The following CNNM2 variants were observed in gnomAD, a reference collection of about 807,000 sequenced individuals.
The protein encoded by CNNM2 is metal transporter CNNM2.
In CNNM2, 12 loss-of-function variants were observed where a neutral mutation model predicts 66.9. The ratio of observed to expected loss-of-function variants is 0.18; its 90% CI spans 0.11 to 0.29. The LOEUF is 0.29. CNNM2 is among the 10% of genes least tolerant of loss of function. The pLI, the probability that CNNM2 is intolerant of heterozygous loss-of-function variation, is 1.00. For synonymous variants in CNNM2, 557 were observed against 501.8 expected (o/e 1.11, Z -1.47); for missense variants, 705 against 1,167.7 (o/e 0.60, Z 5.77).
intron 1 of CNNM2, among the ~76,000 whole-genome samples, chr10:102,955,141 C>A (rs1846987211): frequency 6.6e-6 from 1 of 152,152 alleles, no homozygotes. Context: ...TACAAGGCTA[C>A]AGTAACCAAA....
intron 5 of CNNM2, among the ~76,000 whole-genome samples, chr10:103,069,271 C>T (rs745435301): frequency 6.6e-6 from 1 of 152,098 alleles, no homozygotes; most frequent in Non-Finnish European, 1.5e-5. Flanking sequence ...CAATATGTGG[C>T]TTTGAACATT....
intron 2 of CNNM2, among the ~76,000 whole-genome samples, chr10:103,051,611 G>C (rs994851336): frequency 1.3e-5 from 2 of 151,284 alleles, no homozygotes; most frequent in Admixed American, 6.6e-5. Flanking sequence ...ATGGTGGCAC[G>C]CACCTGTGAT....
Position 103,013,607 on chromosome 10 carries a change from C to T in CNNM2, c.1622-36100C>T, listed in dbSNP as rs11191514. 0.095 allele frequency among the ~76,000 whole-genome samples: 14,448 copies of T among 152,002 alleles called. 884 individuals are homozygous for T. The highest frequency in any genetic ancestry group is 0.28 in the East Asian group (1,430 of 5,168). On this transcript the variant is annotated intron_variant, in intron 1 of 7. Transcript: ENST00000369878. ...AAGTAACAGCTCCCTTTATCCAAGC[C>T]GAAAACTGTGACGCAAACAGTGCTT...
chr10:103,004,684 C>T (rs1428876655), intron 1 of CNNM2, among the ~76,000 whole-genome samples: 1 of 152,230 alleles, frequency 6.6e-6, no homozygotes, highest in Admixed American at 6.5e-5. Context: ...AAATGGTTTT[C>T]CAAAGTTACT....
chr10:102,956,793 G>A (rs1847056824), intron 1 of CNNM2, among the ~76,000 whole-genome samples: 1 of 152,058 alleles, frequency 6.6e-6, no homozygotes, highest in Non-Finnish European at 1.5e-5. Flanking sequence ...ACACAGGGCG[G>A]GGAACAACAC....
In CNNM2 at chr10:102,967,032, G is replaced by A. The variant is rs77778347; in HGVS notation, c.1621+46931G>A. On this transcript the variant is annotated intron_variant, in intron 1 of 7. Transcript: ENST00000369878. ...GTGTGATCCAGCTCACTTTAGCCTC[G>A]AATTTCTGGGCTCAGAGGATCCTCC... Among the ~76,000 whole-genome samples, 94 of 152,274 alleles carry A rather than the reference G, an allele frequency of 6.2e-4. 2 individuals are homozygous for A. The East Asian group carries it at 0.014, about 23-fold the overall frequency.
chr10:102,926,907 C>T (rs112633979), intron 1 of CNNM2, among the ~76,000 whole-genome samples: 107 of 151,906 alleles, frequency 7.0e-4, no homozygotes, highest in African/African-American at 2.5e-3. Context: ...TTAGTAGAAA[C>T]GAGGTCATGC....
intron 1 of CNNM2, among the ~76,000 whole-genome samples, chr10:103,000,156 A>C (rs1177815358): frequency 1.3e-5 from 2 of 151,992 alleles, no homozygotes; most frequent in Non-Finnish European, 2.9e-5. Flanking sequence ...GACTCGCTTG[A>C]ACCTGGGGAG....
intron 1 of CNNM2, among the ~76,000 whole-genome samples, chr10:103,015,793 C>T (rs1435451659): frequency 6.6e-6 from 1 of 152,078 alleles, no homozygotes; most frequent in African/African-American, 2.4e-5. Context: ...GTAGAAGTTC[C>T]AGTGAGCTGA....
intron 1 of CNNM2, among the ~76,000 whole-genome samples, chr10:103,001,288 T>G (rs2064117697): frequency 6.6e-6 from 1 of 152,150 alleles, no homozygotes; most frequent in Admixed American, 6.6e-5. Context: ...ATGTACTCAG[T>G]GCCACTGAAC....
intron 1 of CNNM2, among the ~76,000 whole-genome samples, chr10:103,022,217 C>T (rs1418835260): frequency 1.3e-5 from 2 of 152,134 alleles, no homozygotes; most frequent in Non-Finnish European, 2.9e-5. Flanking sequence ...GATTTTGGAT[C>T]AGGTTAGGAA....
At chr10:102,959,162 TG>T (rs1212174459) in intron 1 of CNNM2, among the ~76,000 whole-genome samples, 3 of 152,100 alleles carry the variant, frequency 2.0e-5, no homozygotes, top group Admixed American at 1.3e-4. Context: ...CTCAAACTCC[TG>T]GGCTCAAGCG....
chr10:103,089,756 G>C lies in CNNM2; in HGVS notation c.*12576G>C. The C allele has an allele frequency of 1.9e-6, 3 of 1,613,988 alleles. No homozygotes were observed. Among genetic ancestry groups the C allele is most frequent in the Non-Finnish European group, 2.5e-6 (3 of 1,179,988 alleles). ...CCTGGGGGGCCAGTGGGAAGAGGTT[G>C]GGAGGTTTAATCTCACTAATTGACC... On this transcript the variant is annotated 3_prime_UTR_variant, in exon 8 of 8. Transcript: ENST00000369878.
intron 1 of CNNM2, among the ~76,000 whole-genome samples, chr10:102,958,490 G>C (rs1254606514): frequency 3.4e-5 from 1 of 29,194 alleles, no homozygotes; most frequent in Non-Finnish European, 6.5e-5. Context: ...TTTTTTTTTT[G>C]AGATGGAGTC....
At chr10:102,976,305 C>T (rs1008498994) in intron 1 of CNNM2, among the ~76,000 whole-genome samples, 2 of 152,014 alleles carry the variant, frequency 1.3e-5, no homozygotes, top group Admixed American at 1.3e-4. Flanking sequence ...AATTGAAGCC[C>T]TAGGCAGATT....
intron 1 of CNNM2, among the ~76,000 whole-genome samples, chr10:103,025,457 A>G (rs776499619): frequency 3.5e-4 from 53 of 152,234 alleles, no homozygotes; most frequent in Admixed American, 1.4e-3. Context: ...GTGATACTTC[A>G]GCACCACACA....
chr10:103,018,126 AG>A (rs1449668164), intron 1 of CNNM2, among the ~76,000 whole-genome samples: 1 of 152,112 alleles, frequency 6.6e-6, no homozygotes, highest in Non-Finnish European at 1.5e-5. Flanking sequence ...TTTTCTGCAA[AG>A]GACTTACTGT....
At chr10:102,956,642 A>G (rs899408490) in intron 1 of CNNM2, among the ~76,000 whole-genome samples, 1 of 152,166 alleles carries the variant, frequency 6.6e-6, no homozygotes, top group Non-Finnish European at 1.5e-5. Context: ...GTGCAGCCAT[A>G]AAAAAGGATG....
intron 1 of CNNM2, among the ~76,000 whole-genome samples, chr10:102,939,840 C>T (rs1455155336): frequency 6.6e-6 from 1 of 152,062 alleles, no homozygotes; most frequent in Non-Finnish European, 1.5e-5. Flanking sequence ...GCGTGGCGCA[C>T]ACCTGTAATC....
Sources: gnomAD v4.1 joint callset for allele counts (sites outside exome capture counted in the v4.1 genomes callset) on GRCh38, gnomAD v4.1.1 for gene constraint, MANE v1.5 for transcripts, NCBI Gene and HGNC (gene_info 2026-07-23, HGNC 2026-07-21) for gene names.